The following TAFA1 variants were observed in gnomAD, a reference collection of about 807,000 sequenced individuals.
The protein encoded by TAFA1 is TAFA chemokine like family member 1.
In TAFA1, 4 loss-of-function variants were observed where a neutral mutation model predicts 18.5. That is an observed-to-expected ratio of 0.22 (90% CI 0.11 to 0.49). The LOEUF (loss-of-function observed/expected upper bound fraction) is 0.49, where lower values mean the gene tolerates loss of function less well. Among genes scored for constraint, TAFA1 ranks in the 20% least tolerant of loss-of-function variants. The probability of loss-of-function intolerance (pLI) is 0.98; values close to 1 mark genes in which losing one functional copy is unlikely to be tolerated. For synonymous variants in TAFA1, 56 were observed against 55.2 expected (o/e 1.01, Z -0.06); for missense variants, 147 against 169.0 (o/e 0.87, Z 0.72).
At chr3:68,137,731 A>T (rs1249210756) in intron 2 of TAFA1, among the ~76,000 whole-genome samples, 1 of 152,204 alleles carries the variant, frequency 6.6e-6, no homozygotes, top group African/African-American at 2.4e-5. Flanking sequence ...AACCATAAAC[A>T]GTAAATCACA....
intron 2 of TAFA1, among the ~76,000 whole-genome samples, chr3:68,199,093 G>T (rs1053421662): frequency 6.6e-6 from 1 of 151,490 alleles, no homozygotes; most frequent in Non-Finnish European, 1.5e-5. Context: ...GCACATAAAT[G>T]TCCAGTTGTT....
chr3:68,344,979 C>A (rs2069141494), intron 2 of TAFA1, among the ~76,000 whole-genome samples: 1 of 150,578 alleles, frequency 6.6e-6, no homozygotes, highest in Admixed American at 6.6e-5. Context: ...TATTTTAGTT[C>A]TTTACAGTCT....
intron 2 of TAFA1, among the ~76,000 whole-genome samples, chr3:68,117,715 G>A (rs2065340562): frequency 6.6e-6 from 1 of 152,152 alleles, no homozygotes; most frequent in African/African-American, 2.4e-5. Flanking sequence ...TAGCCTGAAA[G>A]TATAGTGGAA....
intron 2 of TAFA1, among the ~76,000 whole-genome samples, chr3:68,322,351 T>C (rs1196204943): frequency 6.6e-6 from 1 of 152,252 alleles, no homozygotes; most frequent in Non-Finnish European, 1.5e-5. Flanking sequence ...CTTGACGTTT[T>C]ATTCCTCTCA....
At chr3:68,146,950 T>C (rs2065748187) in intron 2 of TAFA1, among the ~76,000 whole-genome samples, 1 of 152,018 alleles carries the variant, frequency 6.6e-6, no homozygotes, top group South Asian at 2.1e-4. Context: ...TTGGAGATGC[T>C]GGAGCTGATG....
At chr3:68,118,989 C>G (rs1032111868) in intron 2 of TAFA1, among the ~76,000 whole-genome samples, 3 of 152,000 alleles carry the variant, frequency 2.0e-5, no homozygotes, top group African/African-American at 7.2e-5. Context: ...TCATCCCCAC[C>G]AACAGTGTAC....
chr3:68,474,457 G>C (rs1266401908), intron 3 of TAFA1, among the ~76,000 whole-genome samples: 1 of 152,168 alleles, frequency 6.6e-6, no homozygotes, highest in Non-Finnish European at 1.5e-5. Flanking sequence ...AAGCAAGCCA[G>C]AGCTATTCAG....
chr3:68,173,339 T>C (rs2066082717), intron 2 of TAFA1, among the ~76,000 whole-genome samples: 1 of 147,312 alleles, frequency 6.8e-6, no homozygotes, highest in Non-Finnish European at 1.5e-5. Flanking sequence ...ATATATATTC[T>C]GTCATATTTA....
At chr3:67,998,307 T>C in the TAFA1 span, among the ~76,000 whole-genome samples, 10 of 152,194 alleles carry the variant, frequency 6.6e-5, no homozygotes, top group African/African-American at 2.4e-4. Context: ...TAAAAGTACA[T>C]ATGAAAGCTT....
At chr3:68,056,678 G>T (rs963884251) in intron 2 of TAFA1, among the ~76,000 whole-genome samples, 1 of 152,176 alleles carries the variant, frequency 6.6e-6, no homozygotes, top group Non-Finnish European at 1.5e-5. Flanking sequence ...CAGTAGAGAA[G>T]CAAGGGTGTG....
intron 2 of TAFA1, among the ~76,000 whole-genome samples, chr3:68,148,586 T>C (rs1399899704): frequency 6.6e-6 from 1 of 152,164 alleles, no homozygotes; most frequent in East Asian, 1.9e-4. Flanking sequence ...CAGAAAAGCG[T>C]TTGGCCTGTG....
chr3:68,282,546 G>A (rs539516438), intron 2 of TAFA1, among the ~76,000 whole-genome samples: 13 of 152,220 alleles, frequency 8.5e-5, no homozygotes, highest in African/African-American at 1.9e-4. Flanking sequence ...ATTCTGATGC[G>A]TTCCCTTGAA....
chr3:68,360,535 G>T (rs887067185), intron 2 of TAFA1, among the ~76,000 whole-genome samples: 2 of 151,924 alleles, frequency 1.3e-5, no homozygotes, highest in African/African-American at 4.8e-5. Flanking sequence ...GCTACTCGGT[G>T]GTTATGTCAT....
intron 2 of TAFA1, among the ~76,000 whole-genome samples, chr3:68,214,503 G>A (rs929835345): frequency 2.6e-5 from 4 of 152,044 alleles, no homozygotes; most frequent in African/African-American, 9.7e-5. Context: ...ATTGGTTGGA[G>A]GAGCATAGTG....
chr3:68,531,824 G>A (rs1271747843), intron 3 of TAFA1, among the ~76,000 whole-genome samples: 1 of 152,082 alleles, frequency 6.6e-6, no homozygotes, highest in Non-Finnish European at 1.5e-5. Context: ...TCCTGGTGGG[G>A]GGCCCTCTCC....
chr3:68,291,598 C>T (rs919829591), intron 2 of TAFA1, among the ~76,000 whole-genome samples: 3 of 151,614 alleles, frequency 2.0e-5, no homozygotes, highest in African/African-American at 4.8e-5. Flanking sequence ...CTTGTGAAAA[C>T]GAGTCATTGT....
intron 2 of TAFA1, among the ~76,000 whole-genome samples, chr3:68,166,876 G>A (rs915283231): frequency 2.0e-5 from 3 of 152,092 alleles, no homozygotes; most frequent in African/African-American, 7.2e-5. Context: ...TACATCCGCC[G>A]TGAAGCCTTA....
At chr3:68,336,984 A>G (rs1358050049) in intron 2 of TAFA1, among the ~76,000 whole-genome samples, 1 of 152,102 alleles carries the variant, frequency 6.6e-6, no homozygotes, top group Admixed American at 6.5e-5. Flanking sequence ...TGGCCTCCCA[A>G]AGTGCTGGGA....
At chr3:68,180,294 C>T (rs1312533979) in intron 2 of TAFA1, among the ~76,000 whole-genome samples, 1 of 151,836 alleles carries the variant, frequency 6.6e-6, no homozygotes, top group Non-Finnish European at 1.5e-5. Flanking sequence ...CCTGCTTTGG[C>T]CACTCAGAGT....
Sources: gnomAD v4.1 joint callset for allele counts (sites outside exome capture counted in the v4.1 genomes callset) on GRCh38, gnomAD v4.1.1 for gene constraint, MANE v1.5 for transcripts, NCBI Gene and HGNC (gene_info 2026-07-23, HGNC 2026-07-21) for gene names.